Variants in XIRP2 observed in about 807,000 individuals in gnomAD.
The protein encoded by XIRP2 is xin actin binding repeat containing 2.
Under a neutral mutation model 277.0 loss-of-function variants are expected in XIRP2, and 236 were observed. The ratio of observed to expected loss-of-function variants is 0.85; its 90% CI spans 0.77 to 0.95. The LOEUF is 0.95. Ranked by LOEUF, XIRP2 falls within the 40% of genes least tolerant of loss-of-function variation. The pLI is 0.00. For synonymous variants in XIRP2, 1,490 were observed against 1,416.5 expected, an observed-to-expected ratio of 1.05 and a Z score of -1.17; for missense variants, 4,640 against 4,157.5, an observed-to-expected ratio of 1.12 and a Z score of -3.19.
intron 10 of XIRP2, among the ~76,000 whole-genome samples, chr2:167,256,834 G>C (rs1216052211): frequency 6.6e-6 from 1 of 151,752 alleles, no homozygotes; most frequent in Non-Finnish European, 1.5e-5. Flanking sequence ...CCCTGGCTTG[G>C]CTCCTCTTCT....
At position 167,073,794 on chromosome 2, in the gene XIRP2, C is replaced by T. The variant is rs549114983; in HGVS notation, c.409-62115C>T. On this transcript the variant is annotated intron_variant, in intron 2 of 10. Coordinates refer to ENST00000409195, the MANE Select transcript of XIRP2 (RefSeq NM_152381.6). ...GGGCCAGTTTTCTCTTTTATATTTC[C>T]GAAACTAAATAATGTCTTTCATGCT... Among the ~76,000 whole-genome samples the T allele has an allele frequency of 1.9e-3, 289 of 152,032 alleles. 1 individual carries two copies. The highest frequency in any genetic ancestry group is 6.2e-3 in the African/African-American group (259 of 41,494).
chr2:167,187,154 G>A lies in XIRP2; in HGVS notation c.563-23581G>A, dbSNP rs190211330. Reference sequence around the variant, plus strand: ...AGAAATTCAGAGTTGGCTGGTGGTCGTGGCTGTGGAAGGGAGTTTGATTGA... The same window carrying A: ...AGAAATTCAGAGTTGGCTGGTGGTCATGGCTGTGGAAGGGAGTTTGATTGA... On this transcript the variant is annotated intron_variant, in intron 3 of 10. Coordinates refer to ENST00000409195, the MANE Select transcript of XIRP2 (RefSeq NM_152381.6). 218 of 714,124 alleles carry A rather than the reference G, an allele frequency of 3.1e-4. No homozygotes were observed. In the African/African-American group the frequency reaches 3.5e-3, roughly 12 times the overall value. The allele number at this position is 714,124 out of a possible 1,614,324, so 44.2% of individuals were successfully genotyped here. A position where few individuals can be genotyped will look rare whatever the true frequency, so the allele number is the denominator to read the frequency against.
chr2:166,908,694 C>T (rs1254894352), intron 2 of XIRP2, among the ~76,000 whole-genome samples: 2 of 152,128 alleles, frequency 1.3e-5, no homozygotes, highest in South Asian at 2.1e-4. Flanking sequence ...CTTGCCCATG[C>T]CTATGTCCTG....
chr2:167,201,236 AAGAAAGAAAGAAAGAAAGAAAGAAAGAG>A (rs1159052702), intron 3 of XIRP2, among the ~76,000 whole-genome samples: 96 of 103,848 alleles, frequency 9.2e-4, no homozygotes, highest in Middle Eastern at 4.5e-3. Context: ...GAAAGAAAGA[AAGAAAGAAAGAAAGAAAGAAAGAAAGAG>A]AGAGGGAGAA....
At chr2:167,100,403 T>C (rs1690455895) in intron 2 of XIRP2, among the ~76,000 whole-genome samples, 1 of 152,198 alleles carries the variant, frequency 6.6e-6, no homozygotes, top group Admixed American at 6.5e-5. Context: ...TAACTATTGC[T>C]TAGAGATTGC....
chr2:167,165,048 T>C (rs1169337405), intron 3 of XIRP2, among the ~76,000 whole-genome samples: 6 of 152,168 alleles, frequency 3.9e-5, no homozygotes, highest in Non-Finnish European at 1.5e-5. Flanking sequence ...GTTTTTATTG[T>C]CTCCGTAGCT....
chr2:167,230,414 T>A (rs1051862295), intron 5 of XIRP2, among the ~76,000 whole-genome samples: 1 of 152,056 alleles, frequency 6.6e-6, no homozygotes, highest in Admixed American at 6.6e-5. Flanking sequence ...ATTTCTTCCC[T>A]GAATTCCTTT....
intron 5 of XIRP2, among the ~76,000 whole-genome samples, chr2:167,223,930 T>A (rs1694509767): frequency 6.6e-6 from 1 of 152,160 alleles, no homozygotes; most frequent in Non-Finnish European, 1.5e-5. Flanking sequence ...CCCATCTATT[T>A]TAATCCACTT....
intron 2 of XIRP2, chr2:167,124,517 A>G (rs565123307): frequency 6.6e-6 from 1 of 152,308 alleles, no homozygotes; most frequent in Admixed American, 6.5e-5. Flanking sequence ...ACAAACATTT[A>G]GTAAGTACCT....
At chr2:167,027,025 T>C (rs932274886) in intron 2 of XIRP2, among the ~76,000 whole-genome samples, 1 of 152,132 alleles carries the variant, frequency 6.6e-6, no homozygotes, top group South Asian at 2.1e-4. Flanking sequence ...GCGTTCTCTA[T>C]ATTTCCTGAA....
chr2:166,899,892 C>T (rs910828538), intron 1 of XIRP2, among the ~76,000 whole-genome samples: 3 of 152,048 alleles, frequency 2.0e-5, no homozygotes, highest in South Asian at 2.1e-4. Context: ...CACCGCGCAA[C>T]GTGAATGCTG....
intron 2 of XIRP2, among the ~76,000 whole-genome samples, chr2:167,089,613 A>G (rs1690081963): frequency 6.6e-6 from 1 of 152,206 alleles, no homozygotes; most frequent in South Asian, 2.1e-4. Flanking sequence ...GTATTACTTA[A>G]GTAAATGTGT....
chr2:167,187,406 C>T (rs1276670530), intron 3 of XIRP2: 1 of 985,242 alleles, frequency 1.0e-6, no homozygotes, highest in East Asian at 1.1e-4. Flanking sequence ...CTCCACTGCA[C>T]CCATTGCTTT....
At chr2:166,892,766 A>C (rs1198222131) in intron 1 of XIRP2, among the ~76,000 whole-genome samples, 1 of 150,988 alleles carries the variant, frequency 6.6e-6, no homozygotes, top group African/African-American at 2.4e-5. Flanking sequence ...GCAATGAAAA[A>C]TGACATCACT....
At position 167,249,284 on chromosome 2, in the gene XIRP2, C is replaced by A. The variant is rs1250508611; in HGVS notation, c.7892C>A (p.Thr2631Lys). 6.2e-7 allele frequency: 1 copy of A among 1,613,812 alleles called. No homozygotes were observed. Among genetic ancestry groups the A allele is most frequent in the Admixed American group, 1.7e-5 (1 of 59,990 alleles). Residue 2631 changes from threonine (T) to lysine (K), a missense_variant, in exon 9 of 11, where the codon ACA (threonine) becomes AAA (lysine). By Grantham distance (78) the Thr-to-Lys change is moderately conservative. Transcript: ENST00000409195. Reference sequence around the variant, plus strand: ...GTGTGTTCTGATAACCAACTCTCCACAACATCGCCAGAAACAGTCGCTGCC... The same window carrying A: ...GTGTGTTCTGATAACCAACTCTCCAAAACATCGCCAGAAACAGTCGCTGCC... The part of the protein sequence containing the change: ...LGVCSDNQLS[T>K]TSPETVAAKR...
chr2:166,914,465 C>A (rs11898706), intron 2 of XIRP2, among the ~76,000 whole-genome samples: 1 of 152,086 alleles, frequency 6.6e-6, no homozygotes, highest in Non-Finnish European at 1.5e-5. Context: ...CTCAGCCTCC[C>A]GAGTAGCTGG....
intron 2 of XIRP2, among the ~76,000 whole-genome samples, chr2:167,042,281 A>G (rs1181005825): frequency 6.6e-6 from 1 of 152,100 alleles, no homozygotes; most frequent in Non-Finnish European, 1.5e-5. Context: ...CTTTATAATC[A>G]AGTCTACATA....
intron 2 of XIRP2, among the ~76,000 whole-genome samples, chr2:167,035,539 AT>A (rs1397155248): frequency 6.6e-6 from 1 of 152,166 alleles, no homozygotes; most frequent in African/African-American, 2.4e-5. Flanking sequence ...GGTAGAAGAA[AT>A]TTCTAAGCAG....
chr2:167,236,547 A>G (rs1447511547), intron 5 of XIRP2, among the ~76,000 whole-genome samples: 1 of 152,062 alleles, frequency 6.6e-6, no homozygotes, highest in Non-Finnish European at 1.5e-5. Flanking sequence ...TTTCAAAGTT[A>G]GAGCATATAC....
Sources: allele counts gnomAD v4.1 joint callset (sites outside exome capture counted in the v4.1 genomes callset), GRCh38; gene constraint gnomAD v4.1.1; transcripts MANE v1.5; gene names NCBI Gene and HGNC (gene_info 2026-07-23, HGNC 2026-07-21).